MGAT5B: variants seen among roughly 807,000 people sequenced by gnomAD.
MGAT5B encodes alpha-1,6-mannosylglycoprotein 6-beta-N-acetylglucosaminyltransferase B, also known as N-acetylglucosaminyl-transferase Vb.
MGAT5B carries 54 observed loss-of-function variants against 95.1 expected under a neutral mutation model. The ratio of observed to expected loss-of-function variants is 0.57; its 90% CI spans 0.46 to 0.71. The LOEUF is 0.71. Ranked by LOEUF, MGAT5B falls within the 30% of genes least tolerant of loss-of-function variation. The pLI is 0.00. For missense variants in MGAT5B, 935 were observed against 1,088.6 expected, an observed-to-expected ratio of 0.86 and a Z score of 1.99; for synonymous variants, 464 against 451.0, an observed-to-expected ratio of 1.03 and a Z score of -0.36.
chr17:76,948,908 TTC>T lies in MGAT5B; in HGVS notation c.*72_*73del. On this transcript the variant is annotated 3_prime_UTR_variant, in exon 18 of 18. Transcript: ENST00000569840. ...TGCCGCGGGAGAAAGCACCAGCAGG[TTC>T]TGAGCCCTGGCTGCTTGTCCTCCTC... 2 of 1,461,996 alleles carry T rather than the reference TTC, an allele frequency of 1.4e-6. No individual in the cohort carries two copies. The highest frequency in any genetic ancestry group is 1.8e-6 in the Non-Finnish European group (2 of 1,091,162). The allele number at this position is 1,461,996 out of a possible 1,614,324, so 90.6% of individuals were successfully genotyped here.
intron 2 of MGAT5B, among the ~76,000 whole-genome samples, chr17:76,876,112 G>A (rs1170899807): frequency 6.6e-6 from 1 of 152,100 alleles, no homozygotes; most frequent in Non-Finnish European, 1.5e-5. Flanking sequence ...CCCAAGGCAG[G>A]GACTCAGGCC....
chr17:76,897,725 CTTT>C lies in MGAT5B; in HGVS notation c.330-4827_330-4825del, dbSNP rs750442082. On this transcript the variant is annotated intron_variant, in intron 3 of 17. Coordinates refer to ENST00000569840, the MANE Select transcript of MGAT5B (RefSeq NM_001199172.2). ...TCTTTCTTTCTTTCTTTCTTTCTTT[CTTT>C]TTCTTTTTTTTTTTTTTTTTTGGTT... is the stretch of plus-strand genomic sequence containing the variant. Among the ~76,000 whole-genome samples, 19 of 66,172 alleles carry C rather than the reference CTTT, an allele frequency of 2.9e-4. No individual in the cohort carries two copies. The South Asian group carries it at 7.3e-3, about 25-fold the overall frequency. The allele number at this position is 66,172 out of a possible 152,430, so 43.4% of individuals were successfully genotyped here. A position where few individuals can be genotyped will look rare whatever the true frequency, so the allele number is the denominator to read the frequency against.
intron 2 of MGAT5B, 108 bp downstream of exon 2, chr17:76,873,071 G>C: frequency 8.0e-7 from 1 of 1,256,224 alleles, no homozygotes; most frequent in Non-Finnish European, 1.1e-6. Context: ...CCGCCCTGTA[G>C]GTGGATGTGA....
rs1172592530 is a variant in MGAT5B, at chr17:76,890,998, A to G, written c.329+8700A>G. Among the ~76,000 whole-genome samples, 7 of 90,976 alleles carry G rather than the reference A, an allele frequency of 7.7e-5. No individual in the cohort carries two copies. In the East Asian group the frequency reaches 1.9e-3, roughly 25 times the overall value. The allele number at this position is 90,976 out of a possible 152,430, so 59.7% of individuals were successfully genotyped here. On this transcript the variant is annotated intron_variant, in intron 3 of 17. Coordinates refer to ENST00000569840, the MANE Select transcript of MGAT5B (RefSeq NM_001199172.2). ...TTTTTTTTTGGAGACTGATTCTCCCACCGTCACCCAGGCTGGAGTGCAGTG... is the reference window on the plus strand; with the variant it reads ...TTTTTTTTTGGAGACTGATTCTCCCGCCGTCACCCAGGCTGGAGTGCAGTG...
At chr17:76,891,016 G>A (rs1404543992) in intron 3 of MGAT5B, among the ~76,000 whole-genome samples, 1 of 147,634 alleles carries the variant, frequency 6.8e-6, no homozygotes, top group East Asian at 2.0e-4. Context: ...CCAGGCTGGA[G>A]TGCAGTGGCA....
chr17:76,929,993 G>C (rs574007936), intron 10 of MGAT5B, among the ~76,000 whole-genome samples: 1 of 152,302 alleles, frequency 6.6e-6, no homozygotes, highest in East Asian at 1.9e-4. Context: ...CTGGGTGGCA[G>C]TCTTGGAGAA....
chr17:76,876,946 A>G (rs1398063893), intron 2 of MGAT5B, among the ~76,000 whole-genome samples: 3 of 151,870 alleles, frequency 2.0e-5, no homozygotes, highest in Non-Finnish European at 2.9e-5. Flanking sequence ...CTGCCCTTCC[A>G]GCCCTTCTCG....
rs2145195856 is a variant in MGAT5B at position 76,906,269 on chromosome 17, G to A, written c.1025+82G>A. On this transcript the variant is annotated intron_variant, in intron 8 of 17. Transcript: ENST00000569840. The surrounding 1 kb of genome is among the most constrained non-coding windows in gnomAD (Gnocchi z 4.6). ...ACCCCACCCCTCCCTCCCAGGGGCT[G>A]TGGGAGCACCTGCTCTGCCTGCAGG... The A allele has an allele frequency of 7.2e-7, 1 of 1,393,998 alleles. No individual in the cohort carries two copies. Among genetic ancestry groups the A allele is most frequent in the Non-Finnish European group, 9.6e-7 (1 of 1,042,136 alleles). The allele number at this position is 1,393,998 out of a possible 1,614,324, so 86.4% of individuals were successfully genotyped here. A position where few individuals can be genotyped will look rare whatever the true frequency, so the allele number is the denominator to read the frequency against.
At chr17:76,871,746 C>T (rs1346471555) in intron 1 of MGAT5B, among the ~76,000 whole-genome samples, 3 of 152,302 alleles carry the variant, frequency 2.0e-5, no homozygotes, top group East Asian at 3.9e-4. Flanking sequence ...CCTGACTCCA[C>T]ACAAGATGGG....
At chr17:76,919,020 A>T (rs761218980) in intron 8 of MGAT5B, among the ~76,000 whole-genome samples, 3 of 152,146 alleles carry the variant, frequency 2.0e-5, no homozygotes, top group African/African-American at 4.8e-5. Context: ...GACCGTGGAG[A>T]TTTGCCTGAG....
intron 4 of MGAT5B, 80 bp downstream of exon 4, chr17:76,902,750 G>GC: frequency 5.0e-6 from 4 of 793,070 alleles, no homozygotes; most frequent in East Asian, 6.3e-5. Flanking sequence ...GGGAGGGTGG[G>GC]ACACTTGGGG....
chr17:76,933,399 G>A, intron 12 of MGAT5B, 102 bp downstream of exon 12: 1 of 1,453,396 alleles, frequency 6.9e-7, no homozygotes, highest in Non-Finnish European at 9.4e-7. Flanking sequence ...CCTGACTCAG[G>A]CTCTCTGGGG....
At chr17:76,879,146 G>A (rs1234520177) in intron 2 of MGAT5B, among the ~76,000 whole-genome samples, 3 of 152,194 alleles carry the variant, frequency 2.0e-5, no homozygotes, top group South Asian at 2.1e-4. Context: ...GACTGGGAGC[G>A]TGGGGTGTGG....
At chr17:76,936,806 A>C (rs1408299470) in intron 12 of MGAT5B, among the ~76,000 whole-genome samples, 1 of 152,132 alleles carries the variant, frequency 6.6e-6, no homozygotes, top group Non-Finnish European at 1.5e-5. Context: ...CTGTTTGTCT[A>C]TCTTGATGCC....
Position 76,947,828 on chromosome 17 carries a change from A to C in MGAT5B, c.1924-2A>C, listed in dbSNP as rs1298989961. ...ACCCTGACACTGCTCTCCTCCTTGC[A>C]GGACTTCTGCAGAGCTCCAGACCCT... On this transcript the variant is annotated splice_acceptor_variant, in intron 16 of 17. Coordinates refer to ENST00000569840, the MANE Select transcript of MGAT5B (RefSeq NM_001199172.2). LOFTEE classifies it high-confidence loss of function. 1 of 1,547,924 alleles carries C rather than the reference A, an allele frequency of 6.5e-7. No individual in the cohort carries two copies. Among genetic ancestry groups the C allele is most frequent in the African/African-American group, 1.4e-5 (1 of 72,850 alleles).
In MGAT5B at chr17:76,947,803, A is replaced by G. The variant is rs189468296; in HGVS notation, c.1924-27A>G. The G allele has an allele frequency of 6.4e-3, 9,738 of 1,517,512 alleles. 48 individuals carry two copies. The highest frequency in any genetic ancestry group is 8.0e-3 in the Non-Finnish European group (9,037 of 1,131,766). The allele number at this position is 1,517,512 out of a possible 1,614,324, so 94.0% of individuals were successfully genotyped here. A position where few individuals can be genotyped will look rare whatever the true frequency, so the allele number is the denominator to read the frequency against. Reference sequence around the variant, plus strand: ...AGGCACACCTGGGTCGCACTTCCCCACCCTGACACTGCTCTCCTCCTTGCA... The same window carrying G: ...AGGCACACCTGGGTCGCACTTCCCCGCCCTGACACTGCTCTCCTCCTTGCA... On this transcript the variant is annotated intron_variant, in intron 16 of 17. Coordinates refer to ENST00000569840, the MANE Select transcript of MGAT5B (RefSeq NM_001199172.2).
In MGAT5B at chr17:76,938,725, C is replaced by T. The variant is rs1459085080; in HGVS notation, c.1584+582C>T. Among the ~76,000 whole-genome samples, 2 of 152,170 alleles carry T rather than the reference C, an allele frequency of 1.3e-5. No individual in the cohort carries two copies. Among genetic ancestry groups the T allele is most frequent in the African/African-American group, 4.8e-5 (2 of 41,442 alleles). On this transcript the variant is annotated intron_variant, in intron 13 of 17. Transcript: ENST00000569840. The surrounding 1 kb of genome is among the most constrained non-coding windows in gnomAD (Gnocchi z 4.3). ...ACAGGGTCTTGCTCTGTCACCCACG[C>T]TGGAGTGCAGTGGTGCAATCAGGGC...
chr17:76,920,984 C>T (rs1192450005), intron 8 of MGAT5B, among the ~76,000 whole-genome samples: 1 of 152,218 alleles, frequency 6.6e-6, no homozygotes, highest in African/African-American at 2.4e-5. Context: ...TGACCTGACC[C>T]TGCCCTCCTC....
chr17:76,871,755 G>A (rs1967020163), intron 1 of MGAT5B, among the ~76,000 whole-genome samples: 1 of 152,122 alleles, frequency 6.6e-6, no homozygotes. Flanking sequence ...ACACAAGATG[G>A]GGTTCCTCAC....
Sources: gnomAD v4.1 joint callset for allele counts (sites outside exome capture counted in the v4.1 genomes callset) on GRCh38, gnomAD v4.1.1 for gene constraint, Gnocchi (gnomAD v3.1) non-coding constraint, MANE v1.5 for transcripts, NCBI Gene and HGNC (gene_info 2026-07-23, HGNC 2026-07-21) for gene names.